Variants in OPCML observed in about 807,000 individuals in gnomAD.
The protein encoded by OPCML is opioid binding protein/cell adhesion molecule like.
OPCML carries 13 observed loss-of-function variants against 37.8 expected under a neutral mutation model. The ratio of observed to expected loss-of-function variants is 0.34; its 90% CI spans 0.22 to 0.55. The LOEUF is 0.55. OPCML is among the 20% of genes least tolerant of loss of function. The probability of loss-of-function intolerance (pLI) is 0.91; values close to 1 mark genes in which losing one functional copy is unlikely to be tolerated. For missense variants in OPCML, 341 were observed against 435.6 expected (o/e 0.78, Z 1.93); for synonymous variants, 176 against 168.8 (o/e 1.04, Z -0.33).
intron 1 of OPCML, among the ~76,000 whole-genome samples, chr11:133,456,408 C>T (rs1196841610): frequency 6.6e-6 from 1 of 152,042 alleles, no homozygotes; most frequent in African/African-American, 2.4e-5. Flanking sequence ...TCCTCCATGT[C>T]AACCTGCCAA....
chr11:133,332,041 GATA>G, intron 1 of OPCML, among the ~76,000 whole-genome samples: 1 of 152,254 alleles, frequency 6.6e-6, no homozygotes, highest in South Asian at 2.1e-4. Flanking sequence ...TCATTTGAAC[GATA>G]ATGATTCTTC....
At chr11:133,158,712 A>AAAAAT (rs560451941) in intron 1 of OPCML, among the ~76,000 whole-genome samples, 35,970 of 133,956 alleles carry the variant, frequency 0.27, 5,037 homozygotes, top group East Asian at 0.38. Flanking sequence ...ATAAAATTAA[A>AAAAAT]AAAATAAAAT....
At chr11:132,478,682 T>C (rs1012449140) in intron 4 of OPCML, among the ~76,000 whole-genome samples, 1 of 152,236 alleles carries the variant, frequency 6.6e-6, no homozygotes, top group African/African-American at 2.4e-5. Context: ...AACTGTTGTC[T>C]TTATCATCAA....
chr11:133,071,272 C>T (rs1305573785), intron 1 of OPCML, among the ~76,000 whole-genome samples: 1 of 152,042 alleles, frequency 6.6e-6, no homozygotes, highest in East Asian at 1.9e-4. Flanking sequence ...ACATCCGTGT[C>T]TGTGTGTGTA....
intron 4 of OPCML, among the ~76,000 whole-genome samples, chr11:132,452,259 A>G (rs968383170): frequency 6.6e-6 from 1 of 152,006 alleles, no homozygotes; most frequent in Non-Finnish European, 1.5e-5. Flanking sequence ...CTTTTGTTTC[A>G]CAGAAACAAG....
chr11:133,433,908 C>G (rs2136922258), intron 1 of OPCML, among the ~76,000 whole-genome samples: 1 of 152,274 alleles, frequency 6.6e-6, no homozygotes, highest in African/African-American at 2.4e-5. Context: ...CATCAGAAGC[C>G]ATCCTAGGGC....
At chr11:132,584,894 A>G (rs2096469282) in intron 3 of OPCML, among the ~76,000 whole-genome samples, 1 of 152,208 alleles carries the variant, frequency 6.6e-6, no homozygotes, top group African/African-American at 2.4e-5. Flanking sequence ...GCATACAGAA[A>G]ACTAAAGTAA....
intron 2 of OPCML, among the ~76,000 whole-genome samples, chr11:132,911,050 C>T (rs1944412354): frequency 6.6e-6 from 1 of 152,236 alleles, no homozygotes; most frequent in Non-Finnish European, 1.5e-5. Context: ...CAAGATCATA[C>T]ATCTGGATAT....
At chr11:133,121,310 C>T (rs1338256443) in intron 1 of OPCML, among the ~76,000 whole-genome samples, 1 of 152,218 alleles carries the variant, frequency 6.6e-6, no homozygotes, top group East Asian at 1.9e-4. Flanking sequence ...CTCTGTCTGG[C>T]AGAAACTTTC....
intron 1 of OPCML, among the ~76,000 whole-genome samples, chr11:133,216,558 T>C (rs1160545995): frequency 6.6e-6 from 1 of 152,224 alleles, no homozygotes; most frequent in Non-Finnish European, 1.5e-5. Context: ...ACCTATTTTG[T>C]ATATTTTATA....
chr11:132,427,162 A>G (rs568765652), intron 7 of OPCML, among the ~76,000 whole-genome samples: 1 of 152,238 alleles, frequency 6.6e-6, no homozygotes, highest in Non-Finnish European at 1.5e-5. Context: ...AAAAGAAAAA[A>G]AAAGCCCCTA....
chr11:133,460,334 A>G (rs563979366), intron 1 of OPCML, among the ~76,000 whole-genome samples: 1 of 152,040 alleles, frequency 6.6e-6, no homozygotes, highest in South Asian at 2.1e-4. Context: ...GAGTAAGTCC[A>G]AAACTAGCAG....
chr11:132,486,927 G>A (rs1009621500), intron 4 of OPCML, among the ~76,000 whole-genome samples: 1 of 152,120 alleles, frequency 6.6e-6, no homozygotes, highest in Non-Finnish European at 1.5e-5. Context: ...AAGAGGCCAA[G>A]AGCAATTCAA....
At chr11:132,534,388 C>T (rs181320618) in intron 3 of OPCML, among the ~76,000 whole-genome samples, 108 of 152,298 alleles carry the variant, frequency 7.1e-4, no homozygotes, top group African/African-American at 2.5e-3. Context: ...GTAATTAGAA[C>T]TGTGCTTGCC....
chr11:132,595,014 G>A (rs764927256), intron 3 of OPCML, among the ~76,000 whole-genome samples: 1 of 152,130 alleles, frequency 6.6e-6, no homozygotes, highest in Non-Finnish European at 1.5e-5. Flanking sequence ...GAGTTGTTGG[G>A]CTACATTTTG....
intron 3 of OPCML, among the ~76,000 whole-genome samples, chr11:132,532,959 C>T (rs1398730248): frequency 6.6e-6 from 1 of 152,210 alleles, no homozygotes; most frequent in African/African-American, 2.4e-5. Context: ...CTTTTAAGTG[C>T]TTCTCCGTAT....
At chr11:133,278,706 AG>A (rs1480930454) in intron 1 of OPCML, among the ~76,000 whole-genome samples, 3 of 152,142 alleles carry the variant, frequency 2.0e-5, no homozygotes, top group Non-Finnish European at 4.4e-5. Context: ...ATTTAATACA[AG>A]TAGCAACAAA....
chr11:133,140,720 CGGAA>C (rs1949770211), intron 1 of OPCML, among the ~76,000 whole-genome samples: 1 of 21,432 alleles, frequency 4.7e-5, no homozygotes, highest in Admixed American at 8.5e-4. Context: ...AAGACGAAGA[CGGAA>C]GACGACGACG....
intron 1 of OPCML, chr11:133,024,555 T>C (rs1947513589): frequency 4.1e-6 from 4 of 985,222 alleles, no homozygotes; most frequent in Non-Finnish European, 2.4e-6. Context: ...ACGTAATTCA[T>C]GTACAACAAA....
Sources: gnomAD v4.1 joint callset for allele counts (sites outside exome capture counted in the v4.1 genomes callset) on GRCh38, gnomAD v4.1.1 for gene constraint, MANE v1.5 for transcripts, NCBI Gene and HGNC (gene_info 2026-07-23, HGNC 2026-07-21) for gene names.